The following SGCZ variants were observed in gnomAD, a reference collection of about 807,000 sequenced individuals.
SGCZ encodes the protein sarcoglycan zeta.
Under a neutral mutation model 41.3 loss-of-function variants are expected in SGCZ, and 40 were observed. The observed-to-expected ratio is 0.97, with a 90% CI of 0.75 to 1.26. The LOEUF (loss-of-function observed/expected upper bound fraction) is 1.26, where lower values mean the gene tolerates loss of function less well. Among genes scored for constraint, SGCZ ranks in the 50% most tolerant of loss-of-function variants. SGCZ has a pLI of 0.00. For missense variants in SGCZ, 552 were observed against 369.8 expected (o/e 1.49, Z -4.04); for synonymous variants, 206 against 137.5 (o/e 1.50, Z -3.49).
chr8:14,826,315 T>C (rs1372999634), intron 1 of SGCZ, among the ~76,000 whole-genome samples: 1 of 152,184 alleles, frequency 6.6e-6, no homozygotes, highest in Non-Finnish European at 1.5e-5. Context: ...TGCCACATTT[T>C]CTTAATCCAG....
intron 1 of SGCZ, among the ~76,000 whole-genome samples, chr8:14,872,581 A>C (rs1324682260): frequency 2.6e-5 from 4 of 152,068 alleles, no homozygotes; most frequent in African/African-American, 9.7e-5. Flanking sequence ...AGCAGAATGC[A>C]ATTTAAAAAT....
intron 4 of SGCZ, among the ~76,000 whole-genome samples, chr8:14,201,009 T>C (rs1410576280): frequency 1.3e-5 from 2 of 152,194 alleles, no homozygotes; most frequent in East Asian, 3.9e-4. Context: ...AAAGAAGGTA[T>C]GCAGATGGAA....
intron 1 of SGCZ, among the ~76,000 whole-genome samples, chr8:14,728,880 T>C (rs922340576): frequency 3.9e-5 from 6 of 152,230 alleles, no homozygotes; most frequent in Admixed American, 6.5e-5. Context: ...ACTTGAGTGA[T>C]GATCAGTTTT....
chr8:14,282,417 A>G (rs559811964), intron 3 of SGCZ, among the ~76,000 whole-genome samples: 1 of 152,268 alleles, frequency 6.6e-6, no homozygotes, highest in East Asian at 1.9e-4. Flanking sequence ...TATGGCAGTA[A>G]CTATCTCTTG....
At chr8:14,880,951 T>C (rs1272133118) in intron 1 of SGCZ, among the ~76,000 whole-genome samples, 3 of 148,408 alleles carry the variant, frequency 2.0e-5, no homozygotes, top group African/African-American at 5.1e-5. Context: ...ACTTAAAGTA[T>C]AATAAAAAAA....
chr8:14,157,924 G>A (rs535692680), intron 5 of SGCZ, among the ~76,000 whole-genome samples: 9 of 152,304 alleles, frequency 5.9e-5, no homozygotes, highest in Admixed American at 1.3e-4. Flanking sequence ...GCTCATGCCT[G>A]TAATCCCAGA....
chr8:14,666,032 A>C (rs1178977860), intron 1 of SGCZ, among the ~76,000 whole-genome samples: 1 of 152,168 alleles, frequency 6.6e-6, no homozygotes, highest in African/African-American at 2.4e-5. Context: ...CTGTGACCTA[A>C]GCTTGCACAA....
At chr8:14,623,235 C>A (rs1806343132) in intron 1 of SGCZ, among the ~76,000 whole-genome samples, 1 of 152,118 alleles carries the variant, frequency 6.6e-6, no homozygotes, top group Non-Finnish European at 1.5e-5. Flanking sequence ...GTTAGAAATT[C>A]AAATCAAGCT....
At chr8:14,955,812 T>C (rs1800773398) in intron 1 of SGCZ, among the ~76,000 whole-genome samples, 1 of 152,130 alleles carries the variant, frequency 6.6e-6, no homozygotes. Flanking sequence ...TTTTTATCAG[T>C]TTTTGTGTTG....
intron 2 of SGCZ, among the ~76,000 whole-genome samples, chr8:14,358,299 T>C (rs150166843): frequency 2.6e-4 from 39 of 152,318 alleles, no homozygotes; most frequent in Middle Eastern, 3.4e-3. Flanking sequence ...GGGTAATCGA[T>C]GCAGAAAGGG....
chr8:15,003,449 T>C (rs938029714), intron 1 of SGCZ, among the ~76,000 whole-genome samples: 3 of 152,132 alleles, frequency 2.0e-5, no homozygotes, highest in Non-Finnish European at 2.9e-5. Flanking sequence ...AGTTACGAAA[T>C]TATACAGGTA....
rs143830891 is a variant in SGCZ, at chr8:14,333,906, G to A, written c.235-9702C>T. Among the ~76,000 whole-genome samples, 286 of 152,198 alleles carry A rather than the reference G, an allele frequency of 1.9e-3. 1 individual carries two copies. The highest frequency in any genetic ancestry group is 6.7e-3 in the African/African-American group (277 of 41,538). On this transcript the variant is annotated intron_variant, in intron 2 of 7. Coordinates refer to ENST00000382080, the MANE Select transcript of SGCZ (RefSeq NM_139167.4). ...AGCTCCTGTCTCCACAGATGTTTAGGAAGTCTATGTAAAGATTCAGTTGCG... is the reference window on the plus strand; with the variant it reads ...AGCTCCTGTCTCCACAGATGTTTAGAAAGTCTATGTAAAGATTCAGTTGCG...
chr8:14,661,289 T>A (rs951343212), intron 1 of SGCZ, among the ~76,000 whole-genome samples: 4 of 152,172 alleles, frequency 2.6e-5, no homozygotes, highest in Admixed American at 2.6e-4. Flanking sequence ...AGAATGCATG[T>A]TTCCATCTGT....
At chr8:15,062,584 C>G (rs555444537) in intron 1 of SGCZ, among the ~76,000 whole-genome samples, 1 of 151,994 alleles carries the variant, frequency 6.6e-6, no homozygotes, top group Non-Finnish European at 1.5e-5. Flanking sequence ...GAAAATCAGC[C>G]CATCTGAATA....
At chr8:14,902,197 G>A (rs78504166) in intron 1 of SGCZ, among the ~76,000 whole-genome samples, 2,164 of 152,116 alleles carry the variant, frequency 0.014, 32 homozygotes, top group South Asian at 0.044. Context: ...TGGACCTCTC[G>A]TACCCAGATC....
At chr8:15,216,187 T>C (rs543637381) in intron 1 of SGCZ, among the ~76,000 whole-genome samples, 1 of 151,842 alleles carries the variant, frequency 6.6e-6, no homozygotes, top group Non-Finnish European at 1.5e-5. Context: ...GAAAAAAGGA[T>C]GTTTTAAGTA....
intron 1 of SGCZ, among the ~76,000 whole-genome samples, chr8:15,129,916 A>G (rs1193312151): frequency 6.6e-6 from 1 of 151,968 alleles, no homozygotes; most frequent in Non-Finnish European, 1.5e-5. Context: ...TCGGATAAAT[A>G]TACTCCCACA....
chr8:14,348,110 T>C (rs958233954), intron 2 of SGCZ, among the ~76,000 whole-genome samples: 10 of 151,984 alleles, frequency 6.6e-5, no homozygotes, highest in African/African-American at 9.7e-5. Flanking sequence ...TACTTCAAGG[T>C]GGTTCATCTG....
At chr8:14,208,415 T>C (rs1805687160) in intron 4 of SGCZ, among the ~76,000 whole-genome samples, 1 of 152,086 alleles carries the variant, frequency 6.6e-6, no homozygotes, top group Non-Finnish European at 1.5e-5. Context: ...ACATCCCAAA[T>C]GGAAGGTTGT....
Sources: gnomAD v4.1 joint callset for allele counts (sites outside exome capture counted in the v4.1 genomes callset) on GRCh38, gnomAD v4.1.1 for gene constraint, MANE v1.5 for transcripts, NCBI Gene and HGNC (gene_info 2026-07-23, HGNC 2026-07-21) for gene names.